Variants in PDE4D observed in about 807,000 individuals in gnomAD.
The protein encoded by PDE4D is 3',5'-cyclic-AMP phosphodiesterase 4D.
Under a neutral mutation model 87.4 loss-of-function variants are expected in PDE4D, and 24 were observed. That is an observed-to-expected ratio of 0.27 (90% CI 0.20 to 0.39). The LOEUF (loss-of-function observed/expected upper bound fraction) is 0.39, where lower values mean the gene tolerates loss of function less well. Among genes scored for constraint, PDE4D ranks in the 10% least tolerant of loss-of-function variants. The pLI, the probability that PDE4D is intolerant of heterozygous loss-of-function variation, is 1.00. For synonymous variants in PDE4D, 384 were observed against 383.2 expected, an observed-to-expected ratio of 1.00 and a Z score of -0.02; for missense variants, 714 against 1,041.0, an observed-to-expected ratio of 0.69 and a Z score of 4.32.
chr5:59,159,756 A>C (rs1290913582), intron 5 of PDE4D, among the ~76,000 whole-genome samples: 1 of 152,190 alleles, frequency 6.6e-6, no homozygotes, highest in African/African-American at 2.4e-5. Context: ...ATTTTGAATT[A>C]ATTTACCTTT....
chr5:59,348,623 C>CTTTTT (rs5868176), intron 1 of PDE4D, among the ~76,000 whole-genome samples: 6 of 130,060 alleles, frequency 4.6e-5, no homozygotes, highest in South Asian at 2.5e-4. Flanking sequence ...CACTTCAAAG[C>CTTTTT]TTTTTTTTTT....
chr5:60,474,130 A>G (rs1208038041), intron 1 of PDE4D, among the ~76,000 whole-genome samples: 14 of 101,170 alleles, frequency 1.4e-4, no homozygotes, highest in South Asian at 9.3e-4. Context: ...ATATATATAT[A>G]TATATATATA....
intron 2 of PDE4D, among the ~76,000 whole-genome samples, chr5:59,196,533 T>C (rs1745490209): frequency 6.6e-6 from 1 of 152,206 alleles, no homozygotes; most frequent in South Asian, 2.1e-4. Context: ...TTTGAAACAG[T>C]AGCCTAACTC....
chr5:59,144,600 T>C (rs1173172952), intron 5 of PDE4D, among the ~76,000 whole-genome samples: 1 of 152,244 alleles, frequency 6.6e-6, no homozygotes, highest in Non-Finnish European at 1.5e-5. Context: ...AACAGGACTT[T>C]GTGTTTCTTA....
intron 5 of PDE4D, among the ~76,000 whole-genome samples, chr5:59,063,682 G>C (rs1203251421): frequency 6.6e-6 from 1 of 152,144 alleles, no homozygotes; most frequent in Admixed American, 6.6e-5. Context: ...ATACCCATAA[G>C]TTGACCAAAG....
chr5:59,489,322 C>T (rs2153659510), intron 1 of PDE4D, among the ~76,000 whole-genome samples: 1 of 151,630 alleles, frequency 6.6e-6, no homozygotes, highest in African/African-American at 2.4e-5. Flanking sequence ...CTCTGTAATA[C>T]TGCTCTCTTC....
intron 1 of PDE4D, among the ~76,000 whole-genome samples, chr5:59,355,156 G>T (rs1253718998): frequency 6.6e-6 from 1 of 152,154 alleles, no homozygotes; most frequent in Admixed American, 6.5e-5. Flanking sequence ...TTTGGAAAGG[G>T]TCAGAACTTG....
chr5:59,120,020 T>A (rs899414922), intron 5 of PDE4D, among the ~76,000 whole-genome samples: 1 of 151,828 alleles, frequency 6.6e-6, no homozygotes, highest in African/African-American at 2.4e-5. Context: ...AATTTTTTTA[T>A]TCTTAGTAGA....
intron 2 of PDE4D, among the ~76,000 whole-genome samples, chr5:60,153,744 T>C (rs1202494869): frequency 5.9e-5 from 9 of 152,160 alleles, no homozygotes; most frequent in Admixed American, 5.9e-4. Context: ...GACATTATGC[T>C]AAGTGAAATA....
intron 3 of PDE4D, among the ~76,000 whole-genome samples, chr5:59,918,257 A>AT (rs960687288): frequency 1.2e-4 from 18 of 149,768 alleles, no homozygotes; most frequent in Admixed American, 4.7e-4. Context: ...ATGTGTGTGT[A>AT]TTTTTTTTTT....
At chr5:59,404,618 C>A (rs1214580366) in intron 1 of PDE4D, among the ~76,000 whole-genome samples, 1 of 148,356 alleles carries the variant, frequency 6.7e-6, no homozygotes, top group Non-Finnish European at 1.5e-5. Flanking sequence ...GAGATCACAC[C>A]ACTGCACTTC....
At chr5:59,771,495 G>GAA (rs1297685753) in intron 1 of PDE4D, among the ~76,000 whole-genome samples, 1 of 29,896 alleles carries the variant, frequency 3.3e-5, no homozygotes, top group South Asian at 1.4e-3. Flanking sequence ...GAGAGAGAGA[G>GAA]AGAGAAGAAA....
rs1038959747 is a variant in PDE4D at position 59,454,747 on chromosome 5, T to C, written c.456-238779A>G. Among the ~76,000 whole-genome samples the C allele has an allele frequency of 2.0e-5, 3 of 152,260 alleles. No individual in the cohort carries two copies. In the South Asian group the frequency reaches 6.2e-4, roughly 32 times the overall value. On this transcript the variant is annotated intron_variant, in intron 1 of 14. Coordinates refer to ENST00000340635, the MANE Select transcript of PDE4D (RefSeq NM_001104631.2). ...GAAAGTTTGAAACTTCCTAGAGACA[T>C]GTTGAGTGGCTTTGACAAAAATGCT...
intron 5 of PDE4D, among the ~76,000 whole-genome samples, chr5:59,053,645 GT>G (rs1338731940): frequency 1.5e-5 from 1 of 68,790 alleles, no homozygotes; most frequent in Non-Finnish European, 3.1e-5. Flanking sequence ...TTTGTTTTTT[GT>G]TTTTTTTTGT....
chr5:59,014,535 C>A (rs1489872168), intron 6 of PDE4D, among the ~76,000 whole-genome samples: 2 of 152,158 alleles, frequency 1.3e-5, no homozygotes, highest in Non-Finnish European at 2.9e-5. Flanking sequence ...AGTGAACACC[C>A]ATTCACAATT....
At chr5:59,409,922 TTTTTAA>T (rs1472025359) in intron 1 of PDE4D, among the ~76,000 whole-genome samples, 52 of 152,224 alleles carry the variant, frequency 3.4e-4, no homozygotes, top group African/African-American at 1.2e-3. Context: ...GTTATTTTTA[TTTTTAA>T]TTTTAATTCT....
chr5:60,105,340 C>G (rs1247637649), intron 2 of PDE4D, among the ~76,000 whole-genome samples: 1 of 152,114 alleles, frequency 6.6e-6, no homozygotes, highest in Non-Finnish European at 1.5e-5. Flanking sequence ...CGAACAAAGC[C>G]TCCAAGAAAT....
intron 2 of PDE4D, among the ~76,000 whole-genome samples, chr5:60,105,133 A>G (rs1163120977): frequency 6.6e-6 from 1 of 152,236 alleles, no homozygotes; most frequent in Non-Finnish European, 1.5e-5. Flanking sequence ...AGACGAACGT[A>G]TAGCTAGAAT....
chr5:59,534,098 A>C (rs1491003618), intron 1 of PDE4D, among the ~76,000 whole-genome samples: 1 of 152,208 alleles, frequency 6.6e-6, no homozygotes, highest in Non-Finnish European at 1.5e-5. Flanking sequence ...TAAACATTGT[A>C]TATATTAAGA....
Sources: gnomAD v4.1 joint callset for allele counts (sites outside exome capture counted in the v4.1 genomes callset) on GRCh38, gnomAD v4.1.1 for gene constraint, MANE v1.5 for transcripts, NCBI Gene and HGNC (gene_info 2026-07-23, HGNC 2026-07-21) for gene names.